ARHGEF3: variants seen among roughly 807,000 people sequenced by gnomAD.
The protein encoded by ARHGEF3 is Rho guanine nucleotide exchange factor 3, also known as 59.8 kDA protein.
Under a neutral mutation model 63.2 loss-of-function variants are expected in ARHGEF3, and 28 were observed. That is an observed-to-expected ratio of 0.44 (90% CI 0.33 to 0.61). The LOEUF is 0.61. Ranked by LOEUF, ARHGEF3 falls within the 20% of genes least tolerant of loss-of-function variation. The probability of loss-of-function intolerance (pLI) is 0.03; values close to 1 mark genes in which losing one functional copy is unlikely to be tolerated. For missense variants in ARHGEF3, 533 were observed against 659.3 expected, an observed-to-expected ratio of 0.81 and a Z score of 2.10; for synonymous variants, 266 against 254.2, an observed-to-expected ratio of 1.05 and a Z score of -0.44.
At chr3:57,024,776 C>T (rs1244951516) in intron 2 of ARHGEF3, among the ~76,000 whole-genome samples, 6 of 152,222 alleles carry the variant, frequency 3.9e-5, no homozygotes, top group Admixed American at 1.3e-4. Flanking sequence ...CGTGAGCCAC[C>T]GCGCCCGGCC....
At chr3:57,060,622 C>T (rs1197636127) in intron 1 of ARHGEF3, 4 of 152,242 alleles carry the variant, frequency 2.6e-5, no homozygotes, top group East Asian at 1.9e-4. Context: ...GCTCTGGTCC[C>T]GGGCTGGGCC....
chr3:57,066,747 G>C (rs1705561475), intron 1 of ARHGEF3, among the ~76,000 whole-genome samples: 3 of 152,216 alleles, frequency 2.0e-5, no homozygotes, highest in Admixed American at 1.3e-4. Context: ...GAGTAAAGCA[G>C]ATTATTCTCC....
intron 3 of ARHGEF3, among the ~76,000 whole-genome samples, chr3:56,932,218 G>T (rs2062583): frequency 0.73 from 111,171 of 151,984 alleles, 41,143 homozygotes; most frequent in East Asian, 0.95. Flanking sequence ...TTTGTCTTAT[G>T]ACTTCAGCTT....
At chr3:56,903,255 GAA>G (rs2041582886) in intron 3 of ARHGEF3, among the ~76,000 whole-genome samples, 1 of 152,164 alleles carries the variant, frequency 6.6e-6, no homozygotes, top group Non-Finnish European at 1.5e-5. Flanking sequence ...TGGCAAAATT[GAA>G]AAGTCTGATA....
chr3:56,805,702 A>T (rs2037840324), upstream of ARHGEF3, among the ~76,000 whole-genome samples: 1 of 152,264 alleles, frequency 6.6e-6, no homozygotes, highest in African/African-American at 2.4e-5. Flanking sequence ...ACACAGGGCT[A>T]CACAACATAT....
intron 1 of ARHGEF3, among the ~76,000 whole-genome samples, chr3:57,042,690 A>ATTTTTTTTTTT (rs1271376418): frequency 1.5e-4 from 2 of 13,098 alleles, no homozygotes; most frequent in Non-Finnish European, 2.7e-4. Flanking sequence ...ATATATATAT[A>ATTTTTTTTTTT]TATATATATA....
intron 2 of ARHGEF3, among the ~76,000 whole-genome samples, chr3:57,020,065 A>AT (rs1198131163): frequency 6.6e-6 from 1 of 152,072 alleles, no homozygotes; most frequent in African/African-American, 2.4e-5. Context: ...CGCCCAGCTA[A>AT]TTTTGTATTT....
At chr3:56,756,301 C>A (rs2035061836) in intron 2 of ARHGEF3, among the ~76,000 whole-genome samples, 1 of 152,178 alleles carries the variant, frequency 6.6e-6, no homozygotes, top group Non-Finnish European at 1.5e-5. Context: ...TGTTCCCTGC[C>A]ATGGCTCTCT....
chr3:56,839,253 T>TTA (rs1041716059), intron 4 of ARHGEF3, among the ~76,000 whole-genome samples: 37 of 152,114 alleles, frequency 2.4e-4, no homozygotes, highest in Non-Finnish European at 2.8e-4. Context: ...AAAGGCTGGA[T>TTA]TATATATATA....
intron 2 of ARHGEF3, among the ~76,000 whole-genome samples, chr3:57,020,793 G>A (rs548187008): frequency 6.6e-6 from 1 of 152,276 alleles, no homozygotes; most frequent in East Asian, 1.9e-4. Flanking sequence ...CATTCCTGTG[G>A]GCCATTACAT....
chr3:56,919,364 C>A (rs1183899871), intron 3 of ARHGEF3, among the ~76,000 whole-genome samples: 1 of 152,172 alleles, frequency 6.6e-6, no homozygotes, highest in Non-Finnish European at 1.5e-5. Context: ...TCTAAAAACA[C>A]GAGTTGCTGG....
intron 4 of ARHGEF3, among the ~76,000 whole-genome samples, chr3:56,827,830 T>C (rs778621180): frequency 6.9e-6 from 1 of 145,862 alleles, no homozygotes; most frequent in Non-Finnish European, 1.5e-5. Context: ...CCCAGCAACT[T>C]TGGAGGCTGA....
At chr3:57,013,028 A>T (rs1458954380) in intron 2 of ARHGEF3, among the ~76,000 whole-genome samples, 2 of 152,168 alleles carry the variant, frequency 1.3e-5, no homozygotes, top group Non-Finnish European at 2.9e-5. Context: ...CGGAGGGTGC[A>T]CCGGATCCCC....
intron 2 of ARHGEF3, among the ~76,000 whole-genome samples, chr3:57,031,090 C>T (rs1413777363): frequency 6.6e-6 from 1 of 152,148 alleles, no homozygotes; most frequent in African/African-American, 2.4e-5. Context: ...CTAGGTCCAC[C>T]CTATCTTGTT....
intron 4 of ARHGEF3, among the ~76,000 whole-genome samples, chr3:56,821,177 A>T (rs1578600888): frequency 6.6e-6 from 1 of 151,498 alleles, no homozygotes; most frequent in Non-Finnish European, 1.5e-5. Context: ...ATAAATAAAT[A>T]AAAAAAATAG....
chr3:56,843,741 C>T (rs2039392041), intron 4 of ARHGEF3, among the ~76,000 whole-genome samples: 1 of 152,082 alleles, frequency 6.6e-6, no homozygotes, highest in Non-Finnish European at 1.5e-5. Context: ...TGACCTTTGG[C>T]TTTTCTATAA....
intron 3 of ARHGEF3, among the ~76,000 whole-genome samples, chr3:56,903,087 C>CAG (rs1214395909): frequency 1.4e-5 from 2 of 143,198 alleles, no homozygotes; most frequent in Admixed American, 6.9e-5. Context: ...CACACACACA[C>CAG]ACAGAGAGAG....
At chr3:56,865,813 G>T (rs2040230603) in intron 4 of ARHGEF3, among the ~76,000 whole-genome samples, 1 of 152,076 alleles carries the variant, frequency 6.6e-6, no homozygotes, top group Non-Finnish European at 1.5e-5. Context: ...ACCAGAACTG[G>T]AATCCTAATC....
At chr3:57,010,600 T>C (rs570195267) in intron 2 of ARHGEF3, among the ~76,000 whole-genome samples, 2 of 152,320 alleles carry the variant, frequency 1.3e-5, no homozygotes, top group East Asian at 1.9e-4. Flanking sequence ...GGAGGATTTA[T>C]GCATTTTGAA....
Sources: gnomAD v4.1 joint callset for allele counts (sites outside exome capture counted in the v4.1 genomes callset) on GRCh38, gnomAD v4.1.1 for gene constraint, MANE v1.5 for transcripts, NCBI Gene and HGNC (gene_info 2026-07-23, HGNC 2026-07-21) for gene names.